ZNG1C: variants seen among roughly 807,000 people sequenced by gnomAD.
ZNG1C encodes the protein Zn regulated GTPase metalloprotein activator 1C.
At chr9:68,266,634 C>T in the ZNG1C span, among the ~76,000 whole-genome samples, 2 of 147,546 alleles carry the variant, frequency 1.4e-5, no homozygotes, top group South Asian at 4.3e-4. Flanking sequence ...TTCACTTTCC[C>T]ATGGATGCAT....
the ZNG1C span, among the ~76,000 whole-genome samples, chr9:68,276,443 A>C: frequency 9.3e-5 from 10 of 107,800 alleles, no homozygotes; most frequent in South Asian, 3.1e-4. Flanking sequence ...TTTAGGTCGA[A>C]CGTTTAAGTC....
chr9:68,258,875 GT>G, the ZNG1C span, among the ~76,000 whole-genome samples: 2 of 114,928 alleles, frequency 1.7e-5, no homozygotes, highest in Admixed American at 2.0e-4. Flanking sequence ...ATATTGCTAA[GT>G]TTTTCTGTTC....
At chr9:68,260,558 CTT>C in the ZNG1C span, among the ~76,000 whole-genome samples, 3 of 129,346 alleles carry the variant, frequency 2.3e-5, no homozygotes, top group Non-Finnish European at 5.2e-5. Flanking sequence ...AGATAAATAA[CTT>C]TGCCTTGATA....
chr9:68,267,213 T>C, the ZNG1C span, among the ~76,000 whole-genome samples: 1 of 152,286 alleles, frequency 6.6e-6, no homozygotes, highest in African/African-American at 2.4e-5. Flanking sequence ...GTCATCTCAG[T>C]TCATATAGTA....
At chr9:68,246,716 T>G in the ZNG1C span, among the ~76,000 whole-genome samples, 25 of 150,586 alleles carry the variant, frequency 1.7e-4, no homozygotes, top group South Asian at 4.2e-4. Context: ...GTATATTTCT[T>G]TATTAGAGGA....
chr9:68,289,748 T>G, the ZNG1C span, among the ~76,000 whole-genome samples: 3 of 148,062 alleles, frequency 2.0e-5, no homozygotes, highest in Non-Finnish European at 4.5e-5. Flanking sequence ...AATTCCTCAT[T>G]TTGCTTTAGT....
At chr9:68,265,273 G>A in the ZNG1C span, among the ~76,000 whole-genome samples, 1 of 126,232 alleles carries the variant, frequency 7.9e-6, no homozygotes, top group Non-Finnish European at 1.7e-5. Flanking sequence ...ATAGAAAATA[G>A]CCAAATTGGA....
the ZNG1C span, among the ~76,000 whole-genome samples, chr9:68,290,024 AATGTTTAGTTTAT>A: frequency 6.8e-6 from 1 of 146,616 alleles, no homozygotes; most frequent in Non-Finnish European, 1.5e-5. Flanking sequence ...AGTGACAAAT[AATGTTTAGTTTAT>A]TATTAGAACC....
the ZNG1C span, among the ~76,000 whole-genome samples, chr9:68,266,524 G>T: frequency 6.8e-6 from 1 of 146,168 alleles, no homozygotes; most frequent in Non-Finnish European, 1.5e-5. Flanking sequence ...ACAGTTAATA[G>T]ACTGATATTC....
chr9:68,248,708 T>A, the ZNG1C span: 9 of 100,858 alleles, frequency 8.9e-5, no homozygotes, highest in East Asian at 8.5e-4. Flanking sequence ...CTAAGGATAC[T>A]TTTGTCTCGG....
the ZNG1C span, among the ~76,000 whole-genome samples, chr9:68,259,802 C>T: frequency 7.2e-5 from 11 of 152,106 alleles, no homozygotes; most frequent in South Asian, 4.1e-4. Context: ...TGAGCCACCA[C>T]GCCCTGCCTG....
chr9:68,287,639 G>A, the ZNG1C span, among the ~76,000 whole-genome samples: 320 of 152,216 alleles, frequency 2.1e-3, no homozygotes, highest in Non-Finnish European at 3.6e-3. Flanking sequence ...TGCCCTTGGT[G>A]TAGTGTATTA....
chr9:68,293,296 C>T, the ZNG1C span, among the ~76,000 whole-genome samples: 1 of 152,254 alleles, frequency 6.6e-6, no homozygotes, highest in Non-Finnish European at 1.5e-5. Context: ...GGTATACAGG[C>T]AACAAATAGC....
At chr9:68,299,136 T>C in the ZNG1C span, 3 of 1,605,898 alleles carry the variant, frequency 1.9e-6, no homozygotes, top group Non-Finnish European at 2.5e-6. Context: ...AAGTGAAAAA[T>C]ATATTTGAAA....
At chr9:68,276,366 T>C in the ZNG1C span, among the ~76,000 whole-genome samples, 1 of 125,816 alleles carries the variant, frequency 7.9e-6, no homozygotes, top group Non-Finnish European at 1.7e-5. Flanking sequence ...GTTTTAGACA[T>C]GAAGTCCTTG....
the ZNG1C span, among the ~76,000 whole-genome samples, chr9:68,276,237 T>A: frequency 2.5e-5 from 3 of 120,740 alleles, no homozygotes; most frequent in Non-Finnish European, 5.4e-5. Flanking sequence ...GCGAAAATTT[T>A]CTCCCATTTT....
the ZNG1C span, among the ~76,000 whole-genome samples, chr9:68,291,743 A>C: frequency 6.6e-6 from 1 of 151,752 alleles, no homozygotes; most frequent in Non-Finnish European, 1.5e-5. Flanking sequence ...TTTTCCTATT[A>C]CTACTAACAG....
chr9:68,287,575 A>C, the ZNG1C span, among the ~76,000 whole-genome samples: 1 of 152,302 alleles, frequency 6.6e-6, no homozygotes, highest in Non-Finnish European at 1.5e-5. Context: ...TTTTAATAGG[A>C]AATTTCAAAC....
the ZNG1C span, among the ~76,000 whole-genome samples, chr9:68,281,266 C>T: frequency 6.6e-6 from 1 of 152,282 alleles, no homozygotes; most frequent in African/African-American, 2.4e-5. Context: ...AACCCGGTAC[C>T]TCAGATGGAA....
Sources: gnomAD v4.1 joint callset for allele counts (sites outside exome capture counted in the v4.1 genomes callset) on GRCh38, gnomAD v4.1.1 for gene constraint, MANE v1.5 for transcripts, NCBI Gene and HGNC (gene_info 2026-07-23, HGNC 2026-07-21) for gene names.